Variants in FHIP1A observed in about 807,000 individuals in gnomAD.
FHIP1A encodes FHF complex subunit HOOK interacting protein 1A.
In FHIP1A, 61 loss-of-function variants were observed where a neutral mutation model predicts 88.6. The observed-to-expected ratio is 0.69, with a 90% CI of 0.56 to 0.85. The LOEUF is 0.85. FHIP1A is among the 40% of genes least tolerant of loss of function. FHIP1A has a pLI of 0.00. For synonymous variants in FHIP1A, 478 were observed against 496.0 expected (o/e 0.96, Z 0.48); for missense variants, 1,154 against 1,273.5 (o/e 0.91, Z 1.43).
intron 10 of FHIP1A, among the ~76,000 whole-genome samples, chr4:151,647,269 A>G (rs977737409): frequency 6.6e-6 from 1 of 152,164 alleles, no homozygotes; most frequent in Admixed American, 6.5e-5. Context: ...ACTTGGTGCT[A>G]TTTGCCAGCT....
intron 2 of FHIP1A, among the ~76,000 whole-genome samples, chr4:151,466,115 T>G (rs1442679517): frequency 6.6e-6 from 1 of 152,194 alleles, no homozygotes; most frequent in Non-Finnish European, 1.5e-5. Context: ...CTTAAGCTGG[T>G]AAGCAACTTC....
At chr4:151,526,992 T>C (rs565811910) in intron 3 of FHIP1A, among the ~76,000 whole-genome samples, 2 of 146,060 alleles carry the variant, frequency 1.4e-5, no homozygotes, top group East Asian at 4.1e-4. Context: ...TGCTCCTCAC[T>C]TCCTAGATGG....
intron 8 of FHIP1A, among the ~76,000 whole-genome samples, chr4:151,633,678 A>T (rs1276805018): frequency 7.2e-5 from 11 of 151,988 alleles, no homozygotes. Context: ...GTAATATACC[A>T]CATTAACAGA....
rs1736920280 is a variant in FHIP1A, at chr4:151,649,511, G to A, written c.1470G>A (p.Val490=). Residue 490 remains valine, a synonymous_variant, in exon 11 of 14, where the codon GTG becomes GTA. Transcript: ENST00000435205. ...CGTTCTCCGAGTCAGCCTGCATTGT[G>A]GAGTATGGGAAAGCCCTGGACATCA... The part of the protein sequence containing the change: ...PEAFSESACI[V]EYGKALDISY... The A allele has an allele frequency of 6.4e-7, 1 of 1,551,540 alleles. No individual in the cohort carries two copies. Among genetic ancestry groups the A allele is most frequent in the Non-Finnish European group, 8.7e-7 (1 of 1,146,980 alleles).
chr4:151,476,700 A>G (rs1442702658), intron 2 of FHIP1A, among the ~76,000 whole-genome samples: 2 of 152,184 alleles, frequency 1.3e-5, no homozygotes, highest in Non-Finnish European at 2.9e-5. Flanking sequence ...AAGGAGGTAA[A>G]TGAATGTTGT....
At chr4:151,597,375 A>T (rs1262102007) in intron 7 of FHIP1A, among the ~76,000 whole-genome samples, 1 of 152,108 alleles carries the variant, frequency 6.6e-6, no homozygotes, top group Non-Finnish European at 1.5e-5. Flanking sequence ...AACAGCAAAG[A>T]TTGCTACCTG....
Position 151,656,560 on chromosome 4 carries a change from T to G in FHIP1A, c.2730+150T>G. 2 of 1,009,234 alleles carry G rather than the reference T, an allele frequency of 2.0e-6. No individual in the cohort carries two copies. The highest frequency in any genetic ancestry group is 2.9e-6 in the Non-Finnish European group (2 of 698,188). The allele number at this position is 1,009,234 out of a possible 1,614,324, so 62.5% of individuals were successfully genotyped here. On this transcript the variant is annotated intron_variant, in intron 12 of 13. Transcript: ENST00000435205. This position sits in a 1 kb window ranked among gnomAD's most constrained non-coding sequence, Gnocchi z 4.2. ...GTCCTATTAAGCTCACTGTGTAGTT[T>G]ATTCTAGACAAACTGTAGAGCTTCA...
rs1247582658 is a variant in FHIP1A, at chr4:151,669,018, AG to A, written c.*6267del. On this transcript the variant is annotated 3_prime_UTR_variant, in exon 14 of 14. Coordinates refer to ENST00000435205, the MANE Select transcript of FHIP1A (RefSeq NM_001109977.3). ...ACATTTTAATGAGATTTCTCCCTGA[AG>A]GGTGAACCAGTAGACCAGACTAAAC... Among the ~76,000 whole-genome samples, 1 of 152,244 alleles carries A rather than the reference AG, an allele frequency of 6.6e-6. No homozygotes were observed. Among genetic ancestry groups the A allele is most frequent in the Admixed American group, 6.5e-5 (1 of 15,290 alleles).
chr4:151,580,055 C>T (rs1733962859), intron 5 of FHIP1A, among the ~76,000 whole-genome samples: 1 of 152,156 alleles, frequency 6.6e-6, no homozygotes, highest in Non-Finnish European at 1.5e-5. Flanking sequence ...GACTAGTATC[C>T]AGTTCTCCTA....
At chr4:151,452,113 G>C (rs891902148) in intron 1 of FHIP1A, among the ~76,000 whole-genome samples, 1 of 152,106 alleles carries the variant, frequency 6.6e-6, no homozygotes, top group Non-Finnish European at 1.5e-5. Context: ...GAGCCACCAC[G>C]CCTGGCTACA....
intron 3 of FHIP1A, among the ~76,000 whole-genome samples, chr4:151,542,531 C>T (rs996150575): frequency 4.6e-5 from 7 of 152,194 alleles, no homozygotes; most frequent in Non-Finnish European, 8.8e-5. Flanking sequence ...TCAACAGCCT[C>T]GTTTGCCTCA....
At chr4:151,572,879 C>T (rs1663663741) in intron 4 of FHIP1A, among the ~76,000 whole-genome samples, 1 of 152,068 alleles carries the variant, frequency 6.6e-6, no homozygotes, top group African/African-American at 2.4e-5. Flanking sequence ...TGTGTTTATC[C>T]TGAAGGGTAA....
intron 4 of FHIP1A, 87 bp downstream of exon 4, chr4:151,566,451 T>C: frequency 1.4e-6 from 1 of 710,258 alleles, no homozygotes; most frequent in Non-Finnish European, 2.4e-6. Context: ...ACCTCTGTGA[T>C]AGGTAACTAG....
chr4:151,411,592 C>T (rs549507193), intron 1 of FHIP1A, among the ~76,000 whole-genome samples: 86 of 152,090 alleles, frequency 5.7e-4, no homozygotes, highest in Non-Finnish European at 2.6e-4. Flanking sequence ...TCAAGCAATC[C>T]GCCTGCCTTG....
intron 3 of FHIP1A, among the ~76,000 whole-genome samples, chr4:151,562,941 T>G (rs1733231878): frequency 6.6e-6 from 1 of 152,146 alleles, no homozygotes; most frequent in South Asian, 2.1e-4. Context: ...ATGATATATT[T>G]TATAATTCTG....
At chr4:151,639,468 A>G (rs1248289449) in intron 9 of FHIP1A, among the ~76,000 whole-genome samples, 1 of 152,202 alleles carries the variant, frequency 6.6e-6, no homozygotes, top group Non-Finnish European at 1.5e-5. Flanking sequence ...GAACGCTGTG[A>G]GAAGCATCTG....
chr4:151,479,071 A>G (rs191940127), intron 2 of FHIP1A, among the ~76,000 whole-genome samples: 1 of 152,266 alleles, frequency 6.6e-6, no homozygotes, highest in African/African-American at 2.4e-5. Context: ...TTGAACAGAA[A>G]TTGAAGATTG....
At chr4:151,522,934 A>C (rs962280117) in intron 3 of FHIP1A, among the ~76,000 whole-genome samples, 20 of 152,274 alleles carry the variant, frequency 1.3e-4, no homozygotes, top group Non-Finnish European at 2.2e-4. Context: ...TTTGTGATCA[A>C]TTTAGCTGTC....
intron 5 of FHIP1A, among the ~76,000 whole-genome samples, chr4:151,582,300 A>G (rs907931882): frequency 6.6e-6 from 1 of 152,004 alleles, no homozygotes; most frequent in African/African-American, 2.4e-5. Context: ...ATATCATTAG[A>G]TGTTTAAAGT....
Sources: allele counts gnomAD v4.1 joint callset (sites outside exome capture counted in the v4.1 genomes callset), GRCh38; gene constraint gnomAD v4.1.1; non-coding constraint Gnocchi (gnomAD v3.1); transcripts MANE v1.5; gene names NCBI Gene and HGNC (gene_info 2026-07-23, HGNC 2026-07-21).